Variants in SEM1 observed in about 807,000 individuals in gnomAD.
SEM1 encodes 26S proteasome complex subunit SEM1.
In SEM1, 3 loss-of-function variants were observed where a neutral mutation model predicts 12.7. The ratio of observed to expected loss-of-function variants is 0.24; its 90% CI spans 0.11 to 0.61. SEM1 has a LOEUF of 0.61. Ranked by LOEUF, SEM1 falls within the 20% of genes least tolerant of loss-of-function variation. The probability of loss-of-function intolerance (pLI) is 0.88; values close to 1 mark genes in which losing one functional copy is unlikely to be tolerated. For missense variants in SEM1, 59 were observed against 81.3 expected, an observed-to-expected ratio of 0.73 and a Z score of 1.06; for synonymous variants, 30 against 27.8, an observed-to-expected ratio of 1.08 and a Z score of -0.25.
At chr7:96,601,057 G>C (rs1224744159) in intron 2 of SEM1, among the ~76,000 whole-genome samples, 2 of 152,210 alleles carry the variant, frequency 1.3e-5, no homozygotes, top group Non-Finnish European at 2.9e-5. Flanking sequence ...CTCATAACCA[G>C]AGATCCCCAG....
intron 2 of SEM1, among the ~76,000 whole-genome samples, chr7:96,691,244 G>T (rs375631247): frequency 3.3e-5 from 5 of 152,152 alleles, no homozygotes; most frequent in Non-Finnish European, 5.9e-5. Context: ...TCTGTTAAAG[G>T]TAATTACACG....
chr7:96,581,706 C>G lies in SEM1; in HGVS notation c.171-75008G>C, dbSNP rs1427349438. ...TTTCACAGCCCTTGTAAGTTGGATTCCTAGGTATTTTATTCTCTTTGAAGC... is the reference window on the plus strand; with the variant it reads ...TTTCACAGCCCTTGTAAGTTGGATTGCTAGGTATTTTATTCTCTTTGAAGC... On this transcript the variant is annotated intron_variant and NMD_transcript_variant, in intron 2 of 3. Transcript: ENST00000466986. Among the ~76,000 whole-genome samples, 3 of 152,150 alleles carry G rather than the reference C, an allele frequency of 2.0e-5. No individual in the cohort carries two copies. The East Asian group carries it at 5.8e-4, about 29-fold the overall frequency.
At chr7:96,615,496 C>T (rs1319762741) in intron 2 of SEM1, among the ~76,000 whole-genome samples, 1 of 152,096 alleles carries the variant, frequency 6.6e-6, no homozygotes, top group Non-Finnish European at 1.5e-5. Flanking sequence ...GTCAGGTAAT[C>T]TGCCCGCCTC....
At chr7:96,499,169 G>C (rs1465384893), upstream of SEM1, among the ~76,000 whole-genome samples, 1 of 149,250 alleles carries the variant, frequency 6.7e-6, no homozygotes, top group Non-Finnish European at 1.5e-5. Flanking sequence ...AATTTTTGAA[G>C]TCCATAGTTA....
At chr7:96,566,069 A>G (rs951327057) in intron 2 of SEM1, among the ~76,000 whole-genome samples, 16 of 151,862 alleles carry the variant, frequency 1.1e-4, no homozygotes, top group African/African-American at 3.9e-4. Context: ...GTTGTGTGAC[A>G]TTAATTAATC....
At chr7:96,627,948 TC>T (rs1344529397) in intron 2 of SEM1, among the ~76,000 whole-genome samples, 1 of 152,142 alleles carries the variant, frequency 6.6e-6, no homozygotes, top group Non-Finnish European at 1.5e-5. Context: ...CTCTGAGTGC[TC>T]CGGTGTTGGG....
intron 2 of SEM1, among the ~76,000 whole-genome samples, chr7:96,654,954 C>T (rs1014004239): frequency 2.0e-5 from 3 of 152,090 alleles, no homozygotes; most frequent in Non-Finnish European, 4.4e-5. Context: ...TGTGAAGCAC[C>T]GTCCCCTCCC....
At chr7:96,626,203 C>T (rs1808057391) in intron 2 of SEM1, among the ~76,000 whole-genome samples, 1 of 151,968 alleles carries the variant, frequency 6.6e-6, no homozygotes, top group East Asian at 1.9e-4. Context: ...GGTAACCATC[C>T]TTCTACTCTA....
intron 2 of SEM1, among the ~76,000 whole-genome samples, chr7:96,568,795 C>T (rs963010383): frequency 1.3e-5 from 2 of 151,668 alleles, no homozygotes; most frequent in Non-Finnish European, 3.0e-5. Flanking sequence ...ATAAATAAAA[C>T]AAAACTTGTG....
intron 2 of SEM1, among the ~76,000 whole-genome samples, chr7:96,606,958 C>T (rs1807399094): frequency 1.3e-5 from 2 of 152,178 alleles, no homozygotes; most frequent in East Asian, 3.9e-4. Context: ...TTTATTCTAG[C>T]AGGCATTTTC....
upstream of SEM1, among the ~76,000 whole-genome samples, chr7:96,497,496 T>G (rs1031283996): frequency 6.6e-6 from 1 of 152,200 alleles, no homozygotes; most frequent in Non-Finnish European, 1.5e-5. Context: ...TATAACCGCA[T>G]ACATAAACCT....
chr7:96,591,870 C>T (rs1428722758), intron 2 of SEM1, among the ~76,000 whole-genome samples: 2 of 151,356 alleles, frequency 1.3e-5, no homozygotes, highest in Admixed American at 6.6e-5. Context: ...AGAGAAGCAC[C>T]TGTATTAATT....
chr7:96,576,834 C>G (rs1384077290), intron 2 of SEM1, among the ~76,000 whole-genome samples: 5 of 152,112 alleles, frequency 3.3e-5, no homozygotes, highest in Non-Finnish European at 5.9e-5. Context: ...ATGATGGATA[C>G]AGGCTGGGCG....
At chr7:96,626,617 G>A (rs1038802174) in intron 2 of SEM1, among the ~76,000 whole-genome samples, 2 of 152,046 alleles carry the variant, frequency 1.3e-5, no homozygotes, top group Non-Finnish European at 2.9e-5. Context: ...AACCATCCTT[G>A]AATACTAAGG....
chr7:96,652,360 A>C (rs901562245), intron 2 of SEM1, among the ~76,000 whole-genome samples: 22 of 152,092 alleles, frequency 1.4e-4, no homozygotes, highest in Non-Finnish European at 2.6e-4. Flanking sequence ...AAATTATTTG[A>C]ATTCTATATA....
At chr7:96,677,236 G>A (rs1208999789) in intron 2 of SEM1, among the ~76,000 whole-genome samples, 1 of 152,158 alleles carries the variant, frequency 6.6e-6, no homozygotes, top group Non-Finnish European at 1.5e-5. Context: ...TAAATGGGGA[G>A]AAGATAATCG....
At chr7:96,559,268 A>C (rs1052062197) in intron 2 of SEM1, among the ~76,000 whole-genome samples, 1 of 151,762 alleles carries the variant, frequency 6.6e-6, no homozygotes, top group Non-Finnish European at 1.5e-5. Context: ...CTGTGCCTTT[A>C]CTCCCACCCC....
chr7:96,659,709 G>A (rs1788921227), intron 2 of SEM1, among the ~76,000 whole-genome samples: 1 of 151,934 alleles, frequency 6.6e-6, no homozygotes, highest in Non-Finnish European at 1.5e-5. Context: ...AAAACTATTG[G>A]TATTGCTTAC....
chr7:96,530,401 CATGGGAACTGAAACCA>C (rs1206908583), intron 2 of SEM1, among the ~76,000 whole-genome samples: 1 of 152,048 alleles, frequency 6.6e-6, no homozygotes, highest in Non-Finnish European at 1.5e-5. Flanking sequence ...ATCTAGGGAA[CATGGGAACTGAAACCA>C]AGTCCAGGAA....
Sources: allele counts gnomAD v4.1 joint callset (sites outside exome capture counted in the v4.1 genomes callset), GRCh38; gene constraint gnomAD v4.1.1; transcripts MANE v1.5; gene names NCBI Gene and HGNC (gene_info 2026-07-23, HGNC 2026-07-21).